Variants in HLCS observed in about 807,000 individuals in gnomAD.
HLCS encodes the protein holocarboxylase synthetase, also known as biotin--protein ligase.
HLCS carries 53 observed loss-of-function variants against 75.0 expected under a neutral mutation model. The ratio of observed to expected loss-of-function variants is 0.71; its 90% confidence interval spans 0.57 to 0.89. HLCS has a LOEUF of 0.89. HLCS is among the 40% of genes least tolerant of loss of function. The pLI is 0.00. For synonymous variants in HLCS, 431 were observed against 428.6 expected (o/e 1.01, Z -0.07); for missense variants, 966 against 1,074.0 (o/e 0.90, Z 1.41).
In HLCS at chr21:36,765,075, C is replaced by T. The variant is rs556886743; in HGVS notation, c.2058G>A (p.Pro686=). ...CCACGGACATCAGATGCTGGACAAA[C>T]GGGATCCTCTGTCCCAGCTGGGATC... ...PLRSQLGQRI[P]FVQHLMSVAV... is the part of the protein sequence containing the mutation. The change falls in exon 8 of 11, where the codon CCG becomes CCA. Residue 686 remains proline (P), a synonymous_variant. Transcript: ENST00000674895. 5 of 1,614,164 alleles carry T rather than the reference C, an allele frequency of 3.1e-6. No homozygotes were observed. In the African/African-American group the frequency reaches 4.0e-5, roughly 13 times the overall value.
At chr21:36,833,394 G>C (rs1000670441) in intron 6 of HLCS, among the ~76,000 whole-genome samples, 1 of 151,264 alleles carries the variant, frequency 6.6e-6, no homozygotes, top group Non-Finnish European at 1.5e-5. Flanking sequence ...AGACCAGCCT[G>C]GCCAACATGG....
chr21:36,884,628 G>C (rs1387924497), intron 6 of HLCS, among the ~76,000 whole-genome samples: 3 of 152,204 alleles, frequency 2.0e-5, no homozygotes, highest in Non-Finnish European at 2.9e-5. Flanking sequence ...GGGGGGAAAA[G>C]AGCATAGAGA....
chr21:36,851,784 C>T (rs2063015495), intron 6 of HLCS: 1 of 152,042 alleles, frequency 6.6e-6, no homozygotes, highest in East Asian at 1.9e-4. Context: ...ATCCCATATA[C>T]CCCATAAAAT....
intron 2 of HLCS, among the ~76,000 whole-genome samples, chr21:36,956,908 C>G (rs1210396904): frequency 1.3e-5 from 2 of 151,692 alleles, no homozygotes; most frequent in Non-Finnish European, 2.9e-5. Flanking sequence ...AAAAAATTAG[C>G]CGGGTATGGT....
intron 5 of HLCS, among the ~76,000 whole-genome samples, chr21:36,923,398 G>C (rs191118395): frequency 2.0e-5 from 3 of 152,030 alleles, no homozygotes; most frequent in African/African-American, 4.8e-5. Flanking sequence ...ATAAATAGAC[G>C]GAGGAAAGAA....
intron 6 of HLCS, among the ~76,000 whole-genome samples, chr21:36,824,179 T>G (rs527908666): frequency 1.5e-3 from 229 of 152,296 alleles, no homozygotes; most frequent in African/African-American, 5.1e-3. Context: ...GGCAAAGACA[T>G]GGAATCAATC....
Position 36,948,630 on chromosome 21 carries a change from T to A in HLCS, c.331-9636A>T, listed in dbSNP as rs1020990045. Among the ~76,000 whole-genome samples the A allele has an allele frequency of 4.3e-5, 6 of 140,874 alleles. No homozygotes were observed. In the Admixed American group the frequency reaches 4.7e-4, roughly 11 times the overall value. 92.4% of individuals were successfully genotyped at this position (140,874 alleles called of 152,430 possible). A position where few individuals can be genotyped will look rare whatever the true frequency, so the allele number is the denominator to read the frequency against. ...TGTATTCCCAGCTACTTGGGAAGATTAGGTGGGAGGATGGATTGAGCCCAG... is the reference window on the plus strand; with the variant it reads ...TGTATTCCCAGCTACTTGGGAAGATAAGGTGGGAGGATGGATTGAGCCCAG... On this transcript the variant is annotated intron_variant, in intron 2 of 10. Coordinates refer to ENST00000674895, the MANE Select transcript of HLCS (RefSeq NM_001352514.2).
In HLCS at chr21:36,885,419, G is replaced by C. The variant is rs149471202; in HGVS notation, c.1892+11441C>G. Among the ~76,000 whole-genome samples the C allele has an allele frequency of 9.5e-4, 144 of 151,438 alleles. 5 individuals are homozygous for C. The East Asian group carries it at 0.026, about 28-fold the overall frequency. On this transcript the variant is annotated intron_variant, in intron 6 of 10. Coordinates refer to ENST00000674895, the MANE Select transcript of HLCS (RefSeq NM_001352514.2). ...GCTACTCGGGACGCTGAGGTGGGAG[G>C]ATCACTTGGGCCCAGGAAGTTGAGA...
intron 6 of HLCS, among the ~76,000 whole-genome samples, chr21:36,818,889 C>A (rs2061741512): frequency 6.6e-6 from 1 of 152,138 alleles, no homozygotes; most frequent in South Asian, 2.1e-4. Context: ...CAGTTCATAG[C>A]GGTGGGCCTA....
At chr21:36,824,140 CAT>C (rs1174425666) in intron 6 of HLCS, among the ~76,000 whole-genome samples, 1 of 152,132 alleles carries the variant, frequency 6.6e-6, no homozygotes, top group Admixed American at 6.6e-5. Context: ...AAAGTGCACA[CAT>C]ATGTTTATTG....
chr21:36,883,062 T>C (rs774820468), intron 6 of HLCS, among the ~76,000 whole-genome samples: 2 of 151,964 alleles, frequency 1.3e-5, no homozygotes, highest in Non-Finnish European at 2.9e-5. Flanking sequence ...GCAGAAAAAA[T>C]GTGGCGTTTG....
intron 6 of HLCS, among the ~76,000 whole-genome samples, chr21:36,803,355 C>T (rs577109812): frequency 6.6e-6 from 1 of 152,356 alleles, no homozygotes; most frequent in South Asian, 2.1e-4. Flanking sequence ...CGATGTTCAG[C>T]ATGGAATAGA....
At chr21:36,959,861 GA>G (rs2068184337) in intron 2 of HLCS, among the ~76,000 whole-genome samples, 1 of 152,208 alleles carries the variant, frequency 6.6e-6, no homozygotes, top group African/African-American at 2.4e-5. Flanking sequence ...AGTACTAAAA[GA>G]GCTGTAAGAC....
chr21:36,785,859 G>A (rs893832423), intron 6 of HLCS, among the ~76,000 whole-genome samples: 1 of 152,116 alleles, frequency 6.6e-6, no homozygotes, highest in Non-Finnish European at 1.5e-5. Context: ...TGAGTCTTTG[G>A]AAAATACTAT....
intron 2 of HLCS, among the ~76,000 whole-genome samples, chr21:36,942,693 G>GA (rs2067203765): frequency 6.6e-6 from 1 of 152,044 alleles, no homozygotes. Context: ...AGACAACACA[G>GA]AAAAATAGGA....
chr21:36,855,973 C>T (rs996799215), intron 6 of HLCS, among the ~76,000 whole-genome samples: 5 of 151,922 alleles, frequency 3.3e-5, no homozygotes, highest in African/African-American at 9.7e-5. Flanking sequence ...GGTGAAAGGC[C>T]GCATGTTATA....
At chr21:36,891,880 A>AGCCTT (rs1241914076) in intron 6 of HLCS, among the ~76,000 whole-genome samples, 2 of 152,318 alleles carry the variant, frequency 1.3e-5, no homozygotes, top group East Asian at 3.9e-4. Flanking sequence ...TTTACCACAT[A>AGCCTT]GAGCCCAGAA....
intron 6 of HLCS, among the ~76,000 whole-genome samples, chr21:36,779,805 C>A (rs1180535992): frequency 6.6e-6 from 1 of 152,044 alleles, no homozygotes; most frequent in African/African-American, 2.4e-5. Context: ...TACCCCCACA[C>A]CCAAACCCCA....
intron 6 of HLCS, among the ~76,000 whole-genome samples, chr21:36,895,263 A>G (rs968211979): frequency 3.3e-5 from 5 of 152,226 alleles, no homozygotes; most frequent in African/African-American, 1.2e-4. Context: ...TTTTATTCAG[A>G]AAATGTAACT....
Sources: allele counts gnomAD v4.1 joint callset (sites outside exome capture counted in the v4.1 genomes callset), GRCh38; gene constraint gnomAD v4.1.1; transcripts MANE v1.5; gene names NCBI Gene and HGNC (gene_info 2026-07-23, HGNC 2026-07-21).